The following CCDC3 variants were observed in gnomAD, a reference collection of about 807,000 sequenced individuals.
CCDC3 encodes coiled-coil domain containing 3.
In CCDC3, 24 loss-of-function variants were observed where a neutral mutation model predicts 21.4. The observed-to-expected ratio is 1.12, with a 90% CI of 0.81 to 1.58. The LOEUF (loss-of-function observed/expected upper bound fraction) is 1.58, where lower values mean the gene tolerates loss of function less well. Among genes scored for constraint, CCDC3 ranks in the 40% most tolerant of loss-of-function variants. The pLI is 0.00. For missense variants in CCDC3, 425 were observed against 360.9 expected (o/e 1.18, Z -1.44); for synonymous variants, 186 against 166.0 (o/e 1.12, Z -0.93).
chr10:12,998,303 G>C (rs1835793123), intron 2 of CCDC3, 35 bp downstream of exon 2: 1 of 1,601,690 alleles, frequency 6.2e-7, no homozygotes, highest in East Asian at 2.2e-5. Context: ...CTATACTATT[G>C]TTTTGCTGTG....
At chr10:13,014,332 C>T (rs1022995593) in intron 5 of CCDC3, among the ~76,000 whole-genome samples, 2 of 151,408 alleles carry the variant, frequency 1.3e-5, no homozygotes, top group Admixed American at 1.3e-4. Flanking sequence ...CACCTGTAAT[C>T]CCAGCTACTT....
intron 2 of CCDC3, among the ~76,000 whole-genome samples, chr10:12,957,298 G>T (rs563275697): frequency 6.6e-6 from 1 of 152,264 alleles, no homozygotes; most frequent in Non-Finnish European, 1.5e-5. Flanking sequence ...AAGGGTTCGG[G>T]GCCGAGCTTA....
At chr10:13,017,629 A>C (rs1836084700) in intron 5 of CCDC3, among the ~76,000 whole-genome samples, 1 of 151,230 alleles carries the variant, frequency 6.6e-6, no homozygotes, top group Non-Finnish European at 1.5e-5. Flanking sequence ...TTAGATACTA[A>C]TGGAAATACT....
intron 4 of CCDC3, among the ~76,000 whole-genome samples, chr10:13,060,745 G>C (rs1216689939): frequency 6.6e-6 from 1 of 152,076 alleles, no homozygotes; most frequent in East Asian, 1.9e-4. Context: ...GCCTCAAGCA[G>C]TCCTCCCTCT....
intron 4 of CCDC3, among the ~76,000 whole-genome samples, chr10:13,054,825 C>T (rs1836660903): frequency 2.0e-5 from 3 of 152,112 alleles, no homozygotes; most frequent in African/African-American, 7.2e-5. Context: ...CCTCACTACG[C>T]GTGGCTAATT....
intron 5 of CCDC3, among the ~76,000 whole-genome samples, chr10:13,021,109 A>C (rs1479137909): frequency 6.6e-6 from 1 of 152,230 alleles, no homozygotes; most frequent in Non-Finnish European, 1.5e-5. Context: ...GTAGGCTTTG[A>C]GGTATAGACT....
intron 2 of CCDC3, among the ~76,000 whole-genome samples, chr10:12,991,986 T>C (rs968934691): frequency 2.0e-5 from 3 of 151,676 alleles, no homozygotes; most frequent in East Asian, 3.9e-4. Flanking sequence ...GATCTACTCA[T>C]GAATTAAGCA....
chr10:13,046,087 T>A (rs534003086), intron 5 of CCDC3, among the ~76,000 whole-genome samples: 184 of 150,962 alleles, frequency 1.2e-3, no homozygotes, highest in African/African-American at 4.2e-3. Flanking sequence ...TGAGACTCCA[T>A]CTCCAAAACA....
In CCDC3 at chr10:12,912,095, C is replaced by T. The variant is rs568030185; in HGVS notation, c.550-13416G>A. Reference sequence around the variant, plus strand: ...ATCTCGACTATTGTAAGTAATGCTTCAGTGAACATGGGAGTGTAGATATCT... The same window carrying T: ...ATCTCGACTATTGTAAGTAATGCTTTAGTGAACATGGGAGTGTAGATATCT... On this transcript the variant is annotated intron_variant, in intron 2 of 2. Transcript: ENST00000378825. 1.6e-4 allele frequency among the ~76,000 whole-genome samples: 25 copies of T among 152,310 alleles called. No individual in the cohort carries two copies. In the South Asian group the frequency reaches 2.5e-3, roughly 15 times the overall value.
intron 2 of CCDC3, among the ~76,000 whole-genome samples, chr10:12,928,880 A>G (rs10437539): frequency 0.099 from 15,013 of 152,224 alleles, 780 homozygotes; most frequent in African/African-American, 0.13. Context: ...CCTCTGACAC[A>G]TACCCAGGGG....
intron 5 of CCDC3, among the ~76,000 whole-genome samples, chr10:13,023,455 G>A (rs1187270949): frequency 6.6e-6 from 1 of 152,142 alleles, no homozygotes; most frequent in Non-Finnish European, 1.5e-5. Context: ...AAGTTGCTCA[G>A]GGTTCCTCCT....
intron 5 of CCDC3, among the ~76,000 whole-genome samples, chr10:13,023,622 A>T (rs1224074695): frequency 2.0e-5 from 3 of 152,208 alleles, no homozygotes; most frequent in Admixed American, 2.0e-4. Context: ...AGGGAACTAC[A>T]CAAAGCTCTG....
chr10:13,086,738 G>A (rs569724205), intron 3 of CCDC3, among the ~76,000 whole-genome samples: 6 of 152,252 alleles, frequency 3.9e-5, no homozygotes, highest in African/African-American at 9.6e-5. Flanking sequence ...GAGCCCCCGC[G>A]CCCGGCCTCT....
upstream of CCDC3, among the ~76,000 whole-genome samples, chr10:13,004,189 T>C (rs1178195360): frequency 2.0e-5 from 3 of 152,152 alleles, no homozygotes; most frequent in Non-Finnish European, 4.4e-5. Flanking sequence ...TATGTTCTGT[T>C]TCAAAGCACA....
At chr10:13,063,265 G>A (rs1027626245) in intron 4 of CCDC3, among the ~76,000 whole-genome samples, 2 of 20,170 alleles carry the variant, frequency 9.9e-5, no homozygotes, top group African/African-American at 4.9e-4. Context: ...TCTAGGCAGT[G>A]GGCAAGTTGA....
intron 5 of CCDC3, among the ~76,000 whole-genome samples, chr10:13,015,802 G>C (rs1485887815): frequency 6.6e-6 from 1 of 151,958 alleles, no homozygotes; most frequent in Non-Finnish European, 1.5e-5. Flanking sequence ...TTCAGTAGGA[G>C]AGCCTAGGTT....
intron 3 of CCDC3, among the ~76,000 whole-genome samples, chr10:13,090,272 G>C (rs1015714582): frequency 6.6e-6 from 1 of 151,550 alleles, no homozygotes; most frequent in African/African-American, 2.4e-5. Flanking sequence ...TTGTATTTTA[G>C]GAGAGACAAG....
chr10:13,003,496 G>A (rs1184395708), upstream of CCDC3, among the ~76,000 whole-genome samples: 2 of 152,120 alleles, frequency 1.3e-5, no homozygotes, highest in East Asian at 1.9e-4. Flanking sequence ...GACACAGGTC[G>A]GCCCTTTAAC....
intron 2 of CCDC3, among the ~76,000 whole-genome samples, chr10:12,949,262 G>C (rs146437890): frequency 6.6e-6 from 1 of 152,138 alleles, no homozygotes; most frequent in African/African-American, 2.4e-5. Context: ...GCCTTGAACC[G>C]GGTGTGGCCA....
Sources: gnomAD v4.1 joint callset for allele counts (sites outside exome capture counted in the v4.1 genomes callset) on GRCh38, gnomAD v4.1.1 for gene constraint, MANE v1.5 for transcripts, NCBI Gene and HGNC (gene_info 2026-07-23, HGNC 2026-07-21) for gene names.